VPS41: variants seen among roughly 807,000 people sequenced by gnomAD.
VPS41 encodes the protein vacuolar protein sorting-associated protein 41 homolog.
A neutral mutation model predicts 130.9 loss-of-function variants in VPS41; 85 were observed. That is an observed-to-expected ratio of 0.65 (90% CI 0.55 to 0.78). VPS41 has a LOEUF of 0.78. Among genes scored for constraint, VPS41 ranks in the 30% least tolerant of loss-of-function variants. The probability of loss-of-function intolerance (pLI) is 0.00; values close to 1 mark genes in which losing one functional copy is unlikely to be tolerated. For missense variants in VPS41, 874 were observed against 1,018.7 expected (o/e 0.86, Z 1.93); for synonymous variants, 335 against 332.9 (o/e 1.01, Z -0.07).
intron 2 of VPS41, among the ~76,000 whole-genome samples, chr7:38,875,168 G>C (rs1415856453): frequency 6.6e-6 from 1 of 152,060 alleles, no homozygotes. Context: ...CACTATCACA[G>C]GATATTAACA....
intron 22 of VPS41, chr7:38,745,900 A>G: frequency 3.0e-6 from 1 of 331,818 alleles, no homozygotes; most frequent in South Asian, 4.0e-5. Context: ...GGCCTTTCCC[A>G]CTAAGCTTTC....
intron 4 of VPS41, among the ~76,000 whole-genome samples, chr7:38,854,579 CAAT>C (rs991579731): frequency 1.3e-5 from 2 of 152,010 alleles, no homozygotes; most frequent in African/African-American, 4.8e-5. Flanking sequence ...AATGTACACA[CAAT>C]AATCCTGATA....
chr7:38,751,881 C>T (rs1486507602), intron 22 of VPS41, among the ~76,000 whole-genome samples: 2 of 152,184 alleles, frequency 1.3e-5, no homozygotes, highest in African/African-American at 4.8e-5. Context: ...TGGACTGAGA[C>T]TTCTAATATA....
intron 9 of VPS41, among the ~76,000 whole-genome samples, chr7:38,794,725 T>A (rs749799551): frequency 1.7e-4 from 26 of 152,232 alleles, no homozygotes; most frequent in Non-Finnish European, 3.5e-4. Context: ...AGCTCTTCCA[T>A]GAGACTACTG....
intron 4 of VPS41, among the ~76,000 whole-genome samples, chr7:38,844,945 T>C (rs953798866): frequency 6.6e-6 from 1 of 152,110 alleles, no homozygotes; most frequent in African/African-American, 2.4e-5. Context: ...ACCAGGACGG[T>C]AGAACCTCAA....
chr7:38,880,102 TA>T (rs1158321163), intron 2 of VPS41, among the ~76,000 whole-genome samples: 3 of 152,162 alleles, frequency 2.0e-5, no homozygotes, highest in Non-Finnish European at 4.4e-5. Context: ...TTGTAAGAAT[TA>T]AATGCAATAA....
chr7:38,905,760 C>CA (rs1194767393), intron 1 of VPS41, among the ~76,000 whole-genome samples: 2 of 152,004 alleles, frequency 1.3e-5, no homozygotes, highest in Non-Finnish European at 2.9e-5. Flanking sequence ...TTCAATAGAA[C>CA]AGTTATTTTC....
At chr7:38,791,650 C>A (rs182576097) in intron 9 of VPS41, among the ~76,000 whole-genome samples, 7 of 152,046 alleles carry the variant, frequency 4.6e-5, no homozygotes, top group African/African-American at 1.7e-4. Context: ...GGGCCTTCAA[C>A]TGGAAGCTCA....
rs201021270 is a variant in VPS41 at position 38,726,254 on chromosome 7, T to C, written c.2557A>G (p.Lys853Glu). Residue 853 changes from lysine to glutamate, a missense_variant, in exon 29 of 29, where the codon AAA becomes GAA. Coordinates refer to ENST00000310301, the MANE Select transcript of VPS41 (RefSeq NM_014396.4). ...RGPGSAILEM[K>E]K ...TGACAAGGAGAAATGAGCTATTTTT[T>C]CATCTCCAAAATTGCACTTCCTGGT... The C allele has an allele frequency of 1.2e-6, 2 of 1,608,454 alleles. No homozygotes were observed. Among genetic ancestry groups the C allele is most frequent in the Non-Finnish European group, 1.7e-6 (2 of 1,175,574 alleles).
At chr7:38,865,966 C>A (rs1010218323) in intron 3 of VPS41, among the ~76,000 whole-genome samples, 1 of 152,112 alleles carries the variant, frequency 6.6e-6, no homozygotes, top group Non-Finnish European at 1.5e-5. Context: ...TGGAAGATTA[C>A]TTTAGTAGAA....
At chr7:38,739,829 G>A (rs1427796381) in intron 25 of VPS41, among the ~76,000 whole-genome samples, 4 of 152,048 alleles carry the variant, frequency 2.6e-5, no homozygotes, top group Non-Finnish European at 5.9e-5. Context: ...ACACATTACC[G>A]AACTACATAC....
At chr7:38,780,911 T>C (rs1784344552) in intron 10 of VPS41, among the ~76,000 whole-genome samples, 1 of 152,152 alleles carries the variant, frequency 6.6e-6, no homozygotes, top group Non-Finnish European at 1.5e-5. Context: ...GGTTTAGAAG[T>C]GTGTGGCATC....
Position 38,772,610 on chromosome 7 carries a change from T to G in VPS41, c.1040A>C (p.Tyr347Ser), listed in dbSNP as rs1199465839. The change falls in exon 13 of 29, where the codon TAC becomes TCC. Residue 347 changes from tyrosine to serine, a missense_variant. Transcript: ENST00000310301. ...LEYSEGESLF[Y>S]IVSPRDVVVA... is the part of the protein sequence containing the mutation. ...TACAACATCTCTCGGACTCACGATGTAAAAAAGTGATTCCCCTTCAGAGTA... is the reference window on the plus strand; with the variant it reads ...TACAACATCTCTCGGACTCACGATGGAAAAAAGTGATTCCCCTTCAGAGTA... 1 of 1,613,094 alleles carries G rather than the reference T, an allele frequency of 6.2e-7. No homozygotes were observed.
chr7:38,836,270 A>T (rs1416278681), intron 4 of VPS41, among the ~76,000 whole-genome samples: 1 of 152,002 alleles, frequency 6.6e-6, no homozygotes, highest in African/African-American at 2.4e-5. Context: ...TTAAATTATT[A>T]TAAATTATAC....
intron 7 of VPS41, among the ~76,000 whole-genome samples, chr7:38,817,487 G>A (rs1280748398): frequency 6.6e-6 from 1 of 152,104 alleles, no homozygotes; most frequent in African/African-American, 2.4e-5. Flanking sequence ...GCACGATAGT[G>A]GGCATCCGTA....
intron 10 of VPS41, among the ~76,000 whole-genome samples, chr7:38,779,460 C>T (rs796172554): frequency 1.6e-4 from 25 of 152,196 alleles, no homozygotes; most frequent in African/African-American, 5.8e-4. Context: ...TATCTGGTTT[C>T]GAGTACTCTC....
At chr7:38,829,189 A>C (rs1220035458) in intron 5 of VPS41, among the ~76,000 whole-genome samples, 1 of 152,240 alleles carries the variant, frequency 6.6e-6, no homozygotes, top group African/African-American at 2.4e-5. Flanking sequence ...AAAATTTGAC[A>C]GTGCTTTTTG....
intron 25 of VPS41, among the ~76,000 whole-genome samples, chr7:38,736,123 T>C (rs995214287): frequency 6.6e-6 from 1 of 152,196 alleles, no homozygotes; most frequent in African/African-American, 2.4e-5. Flanking sequence ...CTGTATTCAA[T>C]ATGTAAAGAG....
intron 2 of VPS41, among the ~76,000 whole-genome samples, chr7:38,891,966 T>C (rs1339281323): frequency 2.0e-5 from 3 of 152,040 alleles, no homozygotes; most frequent in Non-Finnish European, 4.4e-5. Flanking sequence ...GTTTTGTAAA[T>C]AAACAGCATT....
Sources: allele counts gnomAD v4.1 joint callset (sites outside exome capture counted in the v4.1 genomes callset), GRCh38; gene constraint gnomAD v4.1.1; transcripts MANE v1.5; gene names NCBI Gene and HGNC (gene_info 2026-07-23, HGNC 2026-07-21).